TEX11: variants seen among roughly 807,000 people sequenced by gnomAD.
The protein encoded by TEX11 is testis expressed 11.
Under a neutral mutation model 84.4 loss-of-function variants are expected in TEX11, and 7 were observed. That is an observed-to-expected ratio of 0.08 (90% confidence interval 0.05 to 0.16). The LOEUF is 0.16. Ranked by LOEUF, TEX11 falls within the 10% of genes least tolerant of loss-of-function variation. The probability of loss-of-function intolerance (pLI) is 1.00; values close to 1 mark genes in which losing one functional copy is unlikely to be tolerated. For synonymous variants in TEX11, 264 were observed against 222.8 expected, an observed-to-expected ratio of 1.18 and a Z score of -1.64; for missense variants, 551 against 660.5, an observed-to-expected ratio of 0.83 and a Z score of 1.82.
intron 16 of TEX11, among the ~76,000 whole-genome samples, chrX:70,655,014 C>T (rs2089849962): frequency 9.2e-6 from 1 of 109,117 alleles, no homozygotes; most frequent in Non-Finnish European, 1.9e-5. Context: ...GAAAATAATA[C>T]TAGATATAAA....
intron 24 of TEX11, 127 bp downstream of exon 24, chrX:70,605,274 A>T: frequency 2.4e-6 from 1 of 420,925 alleles, no homozygotes; most frequent in Non-Finnish European, 4.1e-6. Flanking sequence ...AAACTTTTGA[A>T]ATCAAGACGA....
At chrX:70,544,953 C>T (rs2088101264) in intron 28 of TEX11, among the ~76,000 whole-genome samples, 1 of 109,468 alleles carries the variant, frequency 9.1e-6, no homozygotes, top group African/African-American at 3.3e-5. Context: ...TCCTGTAATC[C>T]CAGCACTTTG....
chrX:70,610,463 G>A (rs1313059398), intron 21 of TEX11, 40 bp downstream of exon 21: 1 of 1,158,862 alleles, frequency 8.6e-7, no homozygotes, highest in Admixed American at 2.3e-5. Context: ...AGAGAATAGA[G>A]GCAAGATGAA....
intron 24 of TEX11, among the ~76,000 whole-genome samples, chrX:70,595,169 C>T (rs973787722): frequency 4.5e-5 from 5 of 111,339 alleles, no homozygotes; most frequent in Non-Finnish European, 9.4e-5. Context: ...GCAACCTCTG[C>T]CTGCCGGATT....
intron 8 of TEX11, among the ~76,000 whole-genome samples, chrX:70,811,174 C>A (rs193082601): frequency 1.0e-4 from 11 of 109,716 alleles, no homozygotes; most frequent in African/African-American, 3.0e-4. Flanking sequence ...ATCCCTCCCC[C>A]CTGCCCCCAC....
chrX:70,525,526 G>A (rs1030082929), downstream of TEX11, among the ~76,000 whole-genome samples: 3 of 109,042 alleles, frequency 2.8e-5, no homozygotes, highest in Admixed American at 2.0e-4. Context: ...GGCGGAAGTT[G>A]CAGTGAGCTG....
At chrX:70,834,730 C>T (rs2091395998) in intron 7 of TEX11, among the ~76,000 whole-genome samples, 1 of 106,965 alleles carries the variant, frequency 9.3e-6, no homozygotes, top group Admixed American at 1.0e-4. Flanking sequence ...AGCCATTGCA[C>T]TCCAGCCTGG....
chrX:70,849,181 T>C (rs1355780658), intron 7 of TEX11, among the ~76,000 whole-genome samples: 1 of 112,146 alleles, frequency 8.9e-6, no homozygotes, highest in Non-Finnish European at 1.9e-5. Flanking sequence ...ACCTAAGTCA[T>C]TCATTTGGCA....
chrX:70,715,930 C>G (rs975042075), intron 13 of TEX11, among the ~76,000 whole-genome samples: 1 of 112,076 alleles, frequency 8.9e-6, no homozygotes, highest in Non-Finnish European at 1.9e-5. Context: ...TTTTATCTAC[C>G]TTTGGTCTTT....
intron 2 of TEX11, among the ~76,000 whole-genome samples, chrX:70,888,393 A>G (rs1438333188): frequency 4.4e-5 from 5 of 112,626 alleles, no homozygotes; most frequent in Non-Finnish European, 9.4e-5. Context: ...ACTTTAAATT[A>G]ATCAAACAGA....
Position 70,674,904 on chromosome X carries a change from A to G in TEX11, c.1242+3900T>C, listed in dbSNP as rs1408332364. Among the ~76,000 whole-genome samples the G allele has an allele frequency of 2.8e-5, 3 of 108,275 alleles. No individual in the cohort carries two copies. The East Asian group carries it at 8.6e-4, about 31-fold the overall frequency. 94.0% of individuals were successfully genotyped at this position (108,275 alleles called of 115,157 possible). On this transcript the variant is annotated intron_variant, in intron 15 of 29. Coordinates refer to ENST00000374333, the MANE Select transcript of TEX11 (RefSeq NM_031276.3). ...GTCTTTCCTTTTTCTGCCTTATTTT[A>G]GATTATTTGAATATTTTTATGATTT...
intron 13 of TEX11, among the ~76,000 whole-genome samples, chrX:70,714,722 C>T (rs1025830099): frequency 5.4e-5 from 6 of 111,522 alleles, no homozygotes; most frequent in African/African-American, 1.6e-4. Flanking sequence ...ATACAGCACA[C>T]TGATGGGTCT....
At chrX:70,512,159 T>C in the TEX11 span, among the ~76,000 whole-genome samples, 1 of 107,848 alleles carries the variant, frequency 9.3e-6, no homozygotes, top group Non-Finnish European at 1.9e-5. Context: ...GGAATACCTC[T>C]CCTTTCCTTC....
intron 17 of TEX11, among the ~76,000 whole-genome samples, chrX:70,642,552 A>G (rs1240504633): frequency 1.9e-5 from 2 of 102,954 alleles, no homozygotes; most frequent in African/African-American, 3.5e-5. Flanking sequence ...CCAGCAGCAC[A>G]TCAAAAAGCT....
chrX:70,682,456 T>G (rs2090155033), intron 14 of TEX11, among the ~76,000 whole-genome samples: 1 of 111,804 alleles, frequency 8.9e-6, no homozygotes, highest in Non-Finnish European at 1.9e-5. Flanking sequence ...TTGTCTGTTT[T>G]CAATGATGGT....
At chrX:70,630,784 TTTAAA>T (rs2089502764) in intron 17 of TEX11, among the ~76,000 whole-genome samples, 1 of 111,820 alleles carries the variant, frequency 8.9e-6, no homozygotes, top group African/African-American at 3.2e-5. Flanking sequence ...AGAAATACAC[TTTAAA>T]TATAAAAGCA....
chrX:70,743,814 T>C (rs1439237226), intron 10 of TEX11, among the ~76,000 whole-genome samples: 1 of 106,319 alleles, frequency 9.4e-6, no homozygotes, highest in African/African-American at 3.4e-5. Context: ...AGGCAGAGGT[T>C]GCAGTGATCC....
intron 9 of TEX11, among the ~76,000 whole-genome samples, chrX:70,784,631 G>C (rs1389786946): frequency 5.4e-5 from 6 of 111,741 alleles, no homozygotes; most frequent in Admixed American, 9.6e-5. Flanking sequence ...CTTCAGCAAA[G>C]TCTCAGGATA....
At chrX:70,890,765 C>G (rs2091733523) in intron 2 of TEX11, among the ~76,000 whole-genome samples, 1 of 112,440 alleles carries the variant, frequency 8.9e-6, no homozygotes, top group African/African-American at 3.2e-5. Flanking sequence ...TAGACTCCAC[C>G]TCTGGGGGCA....
Sources: gnomAD v4.1 joint callset for allele counts (sites outside exome capture counted in the v4.1 genomes callset) on GRCh38, gnomAD v4.1.1 for gene constraint, MANE v1.5 for transcripts, NCBI Gene and HGNC (gene_info 2026-07-23, HGNC 2026-07-21) for gene names.